ANKS1A: variants seen among roughly 807,000 people sequenced by gnomAD.
ANKS1A encodes the protein ankyrin repeat and sterile alpha motif domain containing 1A.
A neutral mutation model predicts 120.3 loss-of-function variants in ANKS1A; 55 were observed. The ratio of observed to expected loss-of-function variants is 0.46; its 90% confidence interval spans 0.37 to 0.57. The LOEUF is 0.57. Among genes scored for constraint, ANKS1A ranks in the 20% least tolerant of loss-of-function variants. The probability of loss-of-function intolerance (pLI) is 0.00; values close to 1 mark genes in which losing one functional copy is unlikely to be tolerated. For synonymous variants in ANKS1A, 590 were observed against 604.7 expected (o/e 0.98, Z 0.36); for missense variants, 1,123 against 1,480.3 (o/e 0.76, Z 3.96).
At chr6:35,014,007 G>A (rs76960737) in intron 10 of ANKS1A, among the ~76,000 whole-genome samples, 3 of 152,104 alleles carry the variant, frequency 2.0e-5, no homozygotes, top group Admixed American at 6.5e-5. Flanking sequence ...TTTAATTACC[G>A]CAACAATCCC....
At position 35,089,710 on chromosome 6, in the gene ANKS1A, C is replaced by T; in HGVS notation, c.*1101C>T. 2.0e-6 allele frequency: 2 copies of T among 993,764 alleles called. No homozygotes were observed. Among genetic ancestry groups the T allele is most frequent in the Non-Finnish European group, 2.4e-6 (2 of 835,160 alleles). 61.6% of individuals were successfully genotyped at this position (993,764 alleles called of 1,614,324 possible). A position where few individuals can be genotyped will look rare whatever the true frequency, so the allele number is the denominator to read the frequency against. On this transcript the variant is annotated 3_prime_UTR_variant, in exon 24 of 24. Transcript: ENST00000360359. ...AGGCTGGCATCCCGGTGCGCCTCTG[C>T]TTCTTAAGCTTTCCTGCTGCTCGCT...
intron 3 of ANKS1A, among the ~76,000 whole-genome samples, chr6:34,980,276 G>T (rs1299322069): frequency 6.6e-6 from 1 of 152,234 alleles, no homozygotes; most frequent in Non-Finnish European, 1.5e-5. Context: ...AGCTTCCTCT[G>T]CATCCTCTGT....
chr6:35,080,588 T>C (rs952926013), intron 16 of ANKS1A, among the ~76,000 whole-genome samples: 1 of 152,162 alleles, frequency 6.6e-6, no homozygotes, highest in Non-Finnish European at 1.5e-5. Flanking sequence ...AGGCCCAGCC[T>C]TGCTCTGGGA....
intron 1 of ANKS1A, among the ~76,000 whole-genome samples, chr6:34,904,379 A>C (rs976513185): frequency 4.6e-5 from 7 of 151,946 alleles, no homozygotes; most frequent in African/African-American, 1.7e-4. Context: ...ATCAATATCG[A>C]GGGCTAACTG....
chr6:35,088,491 C>T (rs924014814), intron 23 of ANKS1A, 115 bp from the exon 24 acceptor site: 23 of 1,377,952 alleles, frequency 1.7e-5, no homozygotes, highest in East Asian at 2.3e-5. Context: ...GAGGGTGCCC[C>T]GGGGAGGCTG....
Position 34,983,149 on chromosome 6 carries a change from C to T in ANKS1A, c.845C>T (p.Thr282Ile). Reference protein sequence around the residue: ...DVNIKDNHGLTALDTVRELPS... With the variant: ...DVNIKDNHGLIALDTVRELPS... Reference sequence around the variant, plus strand: ...AACATAAAAGATAACCATGGACTGACTGCCCTAGACACTGTTCGGGAACTG... The same window carrying T: ...AACATAAAAGATAACCATGGACTGATTGCCCTAGACACTGTTCGGGAACTG... The change falls in exon 6 of 24, where the codon ACT becomes ATT. Residue 282 changes from threonine (T) to isoleucine (I), a missense_variant. By Grantham distance (89) the Thr-to-Ile change is moderately conservative (BLOSUM62 -1). Coordinates refer to ENST00000360359, the MANE Select transcript of ANKS1A (RefSeq NM_015245.3). The T allele has an allele frequency of 1.9e-6, 3 of 1,614,210 alleles. No individual in the cohort carries two copies. The highest frequency in any genetic ancestry group is 2.2e-5 in the East Asian group (1 of 44,890).
chr6:34,907,049 C>A (rs1182971896), intron 1 of ANKS1A, among the ~76,000 whole-genome samples: 1 of 152,152 alleles, frequency 6.6e-6, no homozygotes, highest in Non-Finnish European at 1.5e-5. Flanking sequence ...GTTCCTTCCC[C>A]AAATCCATAA....
At chr6:34,999,769 CG>C in intron 10 of ANKS1A, among the ~76,000 whole-genome samples, 1 of 152,046 alleles carries the variant, frequency 6.6e-6, no homozygotes, top group South Asian at 2.1e-4. Context: ...CCCCCTTCCC[CG>C]CCACAGTAGT....
the ANKS1A span, among the ~76,000 whole-genome samples, chr6:35,096,538 G>A: frequency 5.8e-3 from 890 of 152,272 alleles, 12 homozygotes; most frequent in Non-Finnish European, 4.7e-3. Context: ...TTGGTTATGC[G>A]TGTCTGTAAA....
At chr6:34,969,948 A>G in intron 2 of ANKS1A, 62 bp from the exon 3 acceptor site, 1 of 1,576,020 alleles carries the variant, frequency 6.3e-7, no homozygotes, top group Non-Finnish European at 8.6e-7. Context: ...ATAGGTGTAA[A>G]GAGCTGTTAG....
In ANKS1A at chr6:34,985,199, C is replaced by T; in HGVS notation, c.1130C>T (p.Ala377Val). 1 of 1,614,202 alleles carries T rather than the reference C, an allele frequency of 6.2e-7. No individual in the cohort carries two copies. The change falls in exon 8 of 24, where the codon GCC (alanine) becomes GTC (valine). Residue 377 changes from alanine to valine, a missense_variant. Physicochemically the swap from Ala to Val is moderately conservative, Grantham distance 64. This residue lies in a region of ANKS1A where 904 missense variants were observed against 1,130.4 expected (regional missense o/e 0.80). Coordinates refer to ENST00000360359, the MANE Select transcript of ANKS1A (RefSeq NM_015245.3). ...AISCHSLDSM[A>V]SGRSSDQDST... The stretch of plus-strand genomic sequence containing the variant: ...TCCTGCCATTCGTTGGACAGCATGG[C>T]CAGCGGGCGATCATCTGACCAAGAC...
chr6:34,935,496 A>C (rs1287766392), intron 1 of ANKS1A, among the ~76,000 whole-genome samples: 2 of 152,208 alleles, frequency 1.3e-5, no homozygotes, highest in Non-Finnish European at 1.5e-5. Context: ...GGACTTGCTG[A>C]TATTGTTGGA....
At chr6:34,915,986 CTTTTTTTTTTT>C (rs202041070) in intron 1 of ANKS1A, among the ~76,000 whole-genome samples, 2 of 104,568 alleles carry the variant, frequency 1.9e-5, no homozygotes, top group Non-Finnish European at 3.8e-5. Context: ...ATGTCTGGAT[CTTTTTTTTTTT>C]TTTTTTTTTT....
At chr6:34,964,973 T>C (rs922391182) in intron 1 of ANKS1A, among the ~76,000 whole-genome samples, 6 of 152,240 alleles carry the variant, frequency 3.9e-5, no homozygotes, top group African/African-American at 1.4e-4. Context: ...GATCTGACCT[T>C]GTCTACTTTC....
At chr6:34,975,463 C>CA (rs1195521058) in intron 3 of ANKS1A, among the ~76,000 whole-genome samples, 43 of 142,678 alleles carry the variant, frequency 3.0e-4, no homozygotes, top group Non-Finnish European at 6.0e-4. Context: ...AAAAAAACAA[C>CA]AAAAAAAAGG....
At chr6:34,956,011 G>A (rs982711891) in intron 1 of ANKS1A, among the ~76,000 whole-genome samples, 1 of 151,750 alleles carries the variant, frequency 6.6e-6, no homozygotes, top group Non-Finnish European at 1.5e-5. Flanking sequence ...ACTCATAAGC[G>A]GAAGTTCAAG....
chr6:34,915,334 C>T (rs1341161942), intron 1 of ANKS1A, among the ~76,000 whole-genome samples: 1 of 152,096 alleles, frequency 6.6e-6, no homozygotes, highest in African/African-American at 2.4e-5. Flanking sequence ...GTAGACTTGC[C>T]GCCTATAAGC....
chr6:34,897,733 A>T (rs1407847002), intron 1 of ANKS1A, among the ~76,000 whole-genome samples: 1 of 152,236 alleles, frequency 6.6e-6, no homozygotes, highest in Non-Finnish European at 1.5e-5. Context: ...CTTCATATTT[A>T]TCCTTTCTCA....
intron 1 of ANKS1A, among the ~76,000 whole-genome samples, chr6:34,920,476 C>G (rs1768379559): frequency 6.6e-6 from 1 of 152,094 alleles, no homozygotes; most frequent in Admixed American, 6.5e-5. Flanking sequence ...CTTGACCTTC[C>G]AAAGCACTGG....
Sources: gnomAD v4.1 joint callset for allele counts (sites outside exome capture counted in the v4.1 genomes callset) on GRCh38, gnomAD v4.1.1 for gene constraint, gnomAD v4.1.1 regional missense constraint, MANE v1.5 for transcripts, NCBI Gene and HGNC (gene_info 2026-07-23, HGNC 2026-07-21) for gene names.